SLC35B3: variants seen among roughly 807,000 people sequenced by gnomAD.
SLC35B3 encodes solute carrier family 35 member B3.
SLC35B3 carries 35 observed loss-of-function variants against 44.1 expected under a neutral mutation model. The observed-to-expected ratio is 0.79, with a 90% CI of 0.61 to 1.05. The LOEUF (loss-of-function observed/expected upper bound fraction) is 1.05. SLC35B3 is among the 50% of genes least tolerant of loss of function. The pLI, the probability that SLC35B3 is intolerant of heterozygous loss-of-function variation, is 0.00. For synonymous variants in SLC35B3, 146 were observed against 167.3 expected (o/e 0.87, Z 0.98); for missense variants, 414 against 476.4 (o/e 0.87, Z 1.22).
Position 8,432,056 on chromosome 6 carries a change from A to T in SLC35B3, c.4-1899T>A, listed in dbSNP as rs1764042267. Among the ~76,000 whole-genome samples the T allele has an allele frequency of 6.6e-6, 1 of 152,060 alleles. No individual in the cohort carries two copies. Among genetic ancestry groups the T allele is most frequent in the Non-Finnish European group, 1.5e-5 (1 of 68,004 alleles). On this transcript the variant is annotated intron_variant, in intron 2 of 10. Coordinates refer to ENST00000644923, the MANE Select transcript of SLC35B3 (RefSeq NM_001370476.2). The surrounding 1 kb of genome is among the most constrained non-coding windows in gnomAD (Gnocchi z 4.8). ...GACACCATCACTAATCCCCCCAGTT[A>T]TTAGAAAAGAGAACTTGAAAGGCAA...
At chr6:8,431,869 C>T (rs1454675851) in intron 2 of SLC35B3, among the ~76,000 whole-genome samples, 1 of 152,150 alleles carries the variant, frequency 6.6e-6, no homozygotes, top group Non-Finnish European at 1.5e-5. Flanking sequence ...AGTTTGCTCT[C>T]CCTCCACTCT....
rs781394644 is a variant in SLC35B3, at chr6:8,429,974, C to T, written c.187G>A (p.Asp63Asn). The change falls in exon 3 of 11, where the codon GAC becomes AAC. Residue 63 changes from aspartate to asparagine, a missense_variant. By Grantham distance (23) the Asp-to-Asn change is conservative. Transcript: ENST00000644923. ...TTCATGCCAAGTACCACAACGTCGT[C>T]AACTGACTTGATGTGTGGTGACATT... is the stretch of plus-strand genomic sequence containing the variant. 2 of 1,613,470 alleles carry T rather than the reference C, an allele frequency of 1.2e-6. No individual in the cohort carries two copies. Among genetic ancestry groups the T allele is most frequent in the South Asian group, 2.2e-5 (2 of 90,890 alleles).
chr6:8,420,402 GTTCATA>G lies in SLC35B3; in HGVS notation c.682+313_682+318del, dbSNP rs2113348550. Among the ~76,000 whole-genome samples the G allele has an allele frequency of 6.6e-6, 1 of 152,106 alleles. No individual in the cohort carries two copies. The highest frequency in any genetic ancestry group is 1.5e-5 in the Non-Finnish European group (1 of 67,980). On this transcript the variant is annotated intron_variant, in intron 6 of 10. Transcript: ENST00000644923. The surrounding 1 kb of genome is among the most constrained non-coding windows in gnomAD (Gnocchi z 4.4). ...TCAGTTTTCACAAAAACAATTATTT[GTTCATA>G]TTCATTTTTGAATAACGTAATACTG...
intron 2 of SLC35B3, 70 bp from the exon 2 acceptor site, chr6:8,430,227 C>T (rs1401563120): frequency 7.5e-7 from 1 of 1,339,076 alleles, no homozygotes; most frequent in Non-Finnish European, 1.0e-6. Flanking sequence ...TATTCCAAAT[C>T]ATACTTTAAA....
At chr6:8,415,107 A>G (rs1296602374) in intron 9 of SLC35B3, 130 bp from the exon 9 acceptor site, 3 of 530,108 alleles carry the variant, frequency 5.7e-6, no homozygotes, top group Non-Finnish European at 1.0e-5. Context: ...GACAATGGAA[A>G]GTAGAAACCA....
At position 8,416,933 on chromosome 6, in the gene SLC35B3, G is replaced by A; in HGVS notation, c.936C>T (p.Ser312=). 6.2e-7 allele frequency: 1 copy of A among 1,607,126 alleles called. No homozygotes were observed. Among genetic ancestry groups the A allele is most frequent in the East Asian group, 2.2e-5 (1 of 44,476 alleles). The change falls in exon 9 of 11, where the codon TCC becomes TCT. Residue 312 remains serine (S), a synonymous_variant. Transcript: ENST00000644923. Reference sequence around the variant, plus strand: ...AAATTTTAATCAAAGCCAGAACAAAGGAGATTCCAAAATATCCAGTGAGGG... The same window carrying A: ...AAATTTTAATCAAAGCCAGAACAAAAGAGATTCCAAAATATCCAGTGAGGG...
At position 8,427,960 on chromosome 6, in the gene SLC35B3, C is replaced by A. The variant is rs1185160530; in HGVS notation, c.396G>T (p.Gln132His). ...ACCTCCTCCTTTTGTCCTGAATAAG[C>A]TGAAGTTCTATTAGGCCAAATATGG... The change falls in exon 4 of 11, where the codon CAG becomes CAT. Residue 132 changes from glutamine (Q) to histidine (H), a missense_variant. By Grantham distance (24) the Gln-to-His change is conservative (BLOSUM62 0). Transcript: ENST00000644923. The A allele has an allele frequency of 6.2e-7, 1 of 1,612,506 alleles. No individual in the cohort carries two copies. The highest frequency in any genetic ancestry group is 1.1e-5 in the South Asian group (1 of 90,878).
At chr6:8,414,811 A>G in intron 10 of SLC35B3, 97 bp downstream of exon 9, 1 of 628,810 alleles carries the variant, frequency 1.6e-6, no homozygotes, top group African/African-American at 1.9e-5. Context: ...CTTACTACAA[A>G]AAAGAAAAAG....
chr6:8,414,836 TTAAGA>T, intron 10 of SLC35B3, 67 bp downstream of exon 9: 1 of 788,042 alleles, frequency 1.3e-6, no homozygotes, highest in Non-Finnish European at 2.0e-6. Flanking sequence ...AAAGTTGAAA[TTAAGA>T]TTAAGAGGAA....
At chr6:8,424,370 A>G (rs1413306484) in intron 4 of SLC35B3, among the ~76,000 whole-genome samples, 1 of 152,136 alleles carries the variant, frequency 6.6e-6, no homozygotes, top group Non-Finnish European at 1.5e-5. Flanking sequence ...CTCCTGCCTC[A>G]GCCTCCTGAC....
chr6:8,416,969 C>A lies in SLC35B3; in HGVS notation c.900G>T (p.Ala300=). ...AATATCCAGTGAGGGAAAAAAGGAA[C>A]GCATAACCATAGGTCCGAACTGGAT... The change falls in exon 9 of 11, where the codon GCG becomes GCT. Residue 300 remains alanine (A), a synonymous_variant. Transcript: ENST00000644923. 2 of 1,601,882 alleles carry A rather than the reference C, an allele frequency of 1.2e-6. No homozygotes were observed. The highest frequency in any genetic ancestry group is 1.7e-6 in the Non-Finnish European group (2 of 1,174,602).
chr6:8,413,706 G>A lies in SLC35B3; in HGVS notation c.1056-7C>T. On this transcript the variant is annotated splice_polypyrimidine_tract_variant and splice_region_variant and intron_variant, in intron 10 of 10. Coordinates refer to ENST00000644923, the MANE Select transcript of SLC35B3 (RefSeq NM_001370476.2). ...CAAACCAGACCATACATACCTAAGA[G>A]AAAGAAATAAGGAAAAAAAATTAAA... is the stretch of plus-strand genomic sequence containing the variant. The A allele has an allele frequency of 5.4e-6, 8 of 1,471,186 alleles. No individual in the cohort carries two copies. Among genetic ancestry groups the A allele is most frequent in the Non-Finnish European group, 5.5e-6 (6 of 1,094,504 alleles). The allele number at this position is 1,471,186 out of a possible 1,614,324, so 91.1% of individuals were successfully genotyped here.
intron 4 of SLC35B3, among the ~76,000 whole-genome samples, chr6:8,427,506 T>C (rs545717299): frequency 1.3e-5 from 2 of 152,356 alleles, no homozygotes; most frequent in Admixed American, 6.5e-5. Flanking sequence ...TTGTGTCACA[T>C]TGGCACTCAA....
At chr6:8,417,365 C>T (rs1350920776) in intron 8 of SLC35B3, 37 bp downstream of exon 7, 6 of 1,294,524 alleles carry the variant, frequency 4.6e-6, no homozygotes, top group Non-Finnish European at 5.5e-6. Context: ...AATTATTTAA[C>T]AGAAGATTTT....
chr6:8,417,302 CATT>C, intron 8 of SLC35B3, 97 bp downstream of exon 7: 1 of 716,046 alleles, frequency 1.4e-6, no homozygotes, highest in Non-Finnish European at 2.4e-6. Context: ...AAGGAGGTAT[CATT>C]ATATCTATGA....
intron 7 of SLC35B3, among the ~76,000 whole-genome samples, chr6:8,418,554 CA>C (rs751859093): frequency 3.7e-4 from 43 of 116,592 alleles, no homozygotes; most frequent in Middle Eastern, 4.4e-3. Context: ...ACACTACTTG[CA>C]AAAAAAAAAA....
At chr6:8,418,002 C>G (rs757265312) in intron 7 of SLC35B3, among the ~76,000 whole-genome samples, 1 of 152,054 alleles carries the variant, frequency 6.6e-6, no homozygotes, top group Non-Finnish European at 1.5e-5. Context: ...CAGCAGCAAA[C>G]CTAAATATCT....
rs967796379 is a variant in SLC35B3, at chr6:8,434,922, C to A, written c.-44+421G>T. ...CAGAACAATCACATTCTACTGCAAG[C>A]CAAATGGAGAAAAGAGTACCTTGGA... is the stretch of plus-strand genomic sequence containing the variant. On this transcript the variant is annotated intron_variant, in intron 1 of 10. Coordinates refer to ENST00000644923, the MANE Select transcript of SLC35B3 (RefSeq NM_001370476.2). This position sits in a 1 kb window ranked among gnomAD's most constrained non-coding sequence, Gnocchi z 6.3. Among the ~76,000 whole-genome samples the A allele has an allele frequency of 7.2e-5, 11 of 152,062 alleles. No individual in the cohort carries two copies. Among genetic ancestry groups the A allele is most frequent in the African/African-American group, 2.4e-4 (10 of 41,386 alleles).
rs1356343366 is a variant in SLC35B3, at chr6:8,413,542, T to C, written c.*7A>G. ...TAAAATTCTATTTTAAATAGGACAA[T>C]CACTGTCTATACAGTCTGTGCCAGC... On this transcript the variant is annotated 3_prime_UTR_variant, in exon 11 of 11. Transcript: ENST00000644923. The C allele has an allele frequency of 1.3e-6, 2 of 1,594,870 alleles. No individual in the cohort carries two copies. Among genetic ancestry groups the C allele is most frequent in the East Asian group, 2.2e-5 (1 of 44,620 alleles).
Sources: gnomAD v4.1 joint callset for allele counts (sites outside exome capture counted in the v4.1 genomes callset) on GRCh38, gnomAD v4.1.1 for gene constraint, Gnocchi (gnomAD v3.1) non-coding constraint, MANE v1.5 for transcripts, NCBI Gene and HGNC (gene_info 2026-07-23, HGNC 2026-07-21) for gene names.